Variants in ZC4H2 observed in about 807,000 individuals in gnomAD.
The protein encoded by ZC4H2 is zinc finger C4H2-type containing.
For missense variants in ZC4H2, 137 were observed against 173.9 expected (o/e 0.79, Z 1.19); for synonymous variants, 84 against 66.3 (o/e 1.27, Z -1.30).
At chrX:65,001,472 C>T (rs922819094) in intron 1 of ZC4H2, among the ~76,000 whole-genome samples, 2 of 111,911 alleles carry the variant, frequency 1.8e-5, no homozygotes, top group African/African-American at 3.3e-5. Context: ...AAAAACTGTA[C>T]TAATCACTGC....
intron 1 of ZC4H2, among the ~76,000 whole-genome samples, chrX:64,975,591 G>A (rs1433757826): frequency 1.8e-5 from 2 of 111,183 alleles, no homozygotes; most frequent in Non-Finnish European, 3.8e-5. Context: ...TCTGAGCAAG[G>A]ACAATATCAT....
chrX:65,007,962 G>A (rs1269373460), intron 1 of ZC4H2, among the ~76,000 whole-genome samples: 1 of 111,183 alleles, frequency 9.0e-6, no homozygotes, highest in African/African-American at 3.3e-5. Context: ...TGGACAAACT[G>A]GATCACATCA....
intron 4 of ZC4H2, 139 bp downstream of exon 4, chrX:64,918,903 C>T (rs1003130252): frequency 1.3e-6 from 1 of 767,025 alleles, no homozygotes; most frequent in Non-Finnish European, 1.8e-6. Context: ...CCCATGTCAC[C>T]CCTTCCACTG....
intron 1 of ZC4H2, among the ~76,000 whole-genome samples, chrX:65,015,454 C>A (rs7877430): frequency 1.8e-5 from 2 of 111,802 alleles, no homozygotes; most frequent in African/African-American, 6.5e-5. Flanking sequence ...GGTATGATGG[C>A]ACCTCACTCC....
chrX:64,956,426 C>A (rs912963666), intron 1 of ZC4H2, among the ~76,000 whole-genome samples: 1 of 111,214 alleles, frequency 9.0e-6, no homozygotes. Context: ...TGTTTGCATG[C>A]AGCCATCTAT....
chrX:64,998,073 C>T (rs1932453972), intron 1 of ZC4H2, among the ~76,000 whole-genome samples: 2 of 110,872 alleles, frequency 1.8e-5, no homozygotes. Context: ...ACTGTGCATG[C>T]AAAAAAGTCA....
rs58094683 is a variant in ZC4H2 at position 64,999,039 on chromosome X, G to GTTTTTT, written c.-272+35584_-272+35589dup. Among the ~76,000 whole-genome samples, 50 of 11,849 alleles carry GTTTTTT rather than the reference G, an allele frequency of 4.2e-3. 4 individuals are homozygous for GTTTTTT. The highest frequency in any genetic ancestry group is 0.012 in the East Asian group (3 of 258). 10.3% of individuals were successfully genotyped at this position (11,849 alleles called of 115,157 possible). Reference sequence around the variant, plus strand: ...TAGACAGCATACAGTTGGATTATGTGTTTTTTTTTTTTTTTTTTTTTTTTT... The same window carrying GTTTTTT: ...TAGACAGCATACAGTTGGATTATGTGTTTTTTTTTTTTTTTTTTTTTTTTTTTTTTT... On this transcript the variant is annotated intron_variant, in intron 1 of 4. Transcript: ENST00000337990.
At chrX:64,976,768 C>T (rs1306490063), upstream of ZC4H2, among the ~76,000 whole-genome samples, 1 of 111,528 alleles carries the variant, frequency 9.0e-6, no homozygotes, top group African/African-American at 3.3e-5. Context: ...CATTCGCTCC[C>T]TTCGGGGGCC....
chrX:64,926,615 G>A (rs780115593), intron 1 of ZC4H2, among the ~76,000 whole-genome samples: 2 of 111,720 alleles, frequency 1.8e-5, no homozygotes, highest in African/African-American at 6.5e-5. Context: ...TTTCCCTAAT[G>A]CCCATTGATG....
chrX:65,019,041 G>T (rs970913981), intron 1 of ZC4H2, among the ~76,000 whole-genome samples: 2 of 111,961 alleles, frequency 1.8e-5, no homozygotes, highest in Non-Finnish European at 3.8e-5. Context: ...CCAGTCAGGG[G>T]CTTATAGATA....
chrX:64,994,664 C>CT (rs1223813445), intron 1 of ZC4H2, among the ~76,000 whole-genome samples: 1 of 111,162 alleles, frequency 9.0e-6, no homozygotes, highest in African/African-American at 3.3e-5. Context: ...CTCTGCTTGG[C>CT]TTTTTTATTT....
intron 1 of ZC4H2, among the ~76,000 whole-genome samples, chrX:65,027,889 C>T (rs982266996): frequency 7.2e-5 from 8 of 111,734 alleles, no homozygotes; most frequent in Non-Finnish European, 1.1e-4. Context: ...AGATGACATT[C>T]GTCATGCGGG....
At chrX:65,005,773 A>C (rs1932643201) in intron 1 of ZC4H2, among the ~76,000 whole-genome samples, 1 of 111,286 alleles carries the variant, frequency 9.0e-6, no homozygotes, top group Non-Finnish European at 1.9e-5. Context: ...TGAACAGGCA[A>C]CCTACAGAAT....
intron 1 of ZC4H2, among the ~76,000 whole-genome samples, chrX:64,963,013 C>A (rs1444414380): frequency 9.1e-6 from 1 of 110,466 alleles, no homozygotes; most frequent in Admixed American, 9.7e-5. Context: ...CCAGAACAAT[C>A]TTATCCCCTG....
In ZC4H2 at chrX:64,932,948, A is replaced by G. The variant is rs772806441; in HGVS notation, c.54-10960T>C. Among the ~76,000 whole-genome samples, 17 of 111,534 alleles carry G rather than the reference A, an allele frequency of 1.5e-4. No homozygotes were observed. The East Asian group carries it at 4.5e-3, about 30-fold the overall frequency. The stretch of plus-strand genomic sequence containing the variant: ...GTTTTCCTCAATTATTCCCTCAAAT[A>G]AGTTTTCCAAACTTTTAGATTTCTG... On this transcript the variant is annotated intron_variant, in intron 1 of 4. Coordinates refer to ENST00000374839, the MANE Select transcript of ZC4H2 (RefSeq NM_018684.4).
intron 1 of ZC4H2, among the ~76,000 whole-genome samples, chrX:64,998,868 CTT>C (rs1932468672): frequency 9.2e-6 from 1 of 109,031 alleles, no homozygotes; most frequent in Non-Finnish European, 1.9e-5. Flanking sequence ...TTCTTTGTCT[CTT>C]ATAATCATTT....
chrX:65,032,350 C>G (rs760600931), intron 1 of ZC4H2, among the ~76,000 whole-genome samples: 1 of 111,763 alleles, frequency 8.9e-6, no homozygotes, highest in Non-Finnish European at 1.9e-5. Flanking sequence ...AAGATATAAG[C>G]AAATTTTGTA....
At chrX:65,018,891 C>G (rs1932815162) in intron 1 of ZC4H2, among the ~76,000 whole-genome samples, 1 of 111,522 alleles carries the variant, frequency 9.0e-6, no homozygotes, top group Non-Finnish European at 1.9e-5. Context: ...AGGCAGTTTT[C>G]CCCTCAGAGT....
At chrX:64,923,332 A>G (rs1306522255) in intron 1 of ZC4H2, among the ~76,000 whole-genome samples, 1 of 111,418 alleles carries the variant, frequency 9.0e-6, no homozygotes, top group Non-Finnish European at 1.9e-5. Context: ...TGAAAGGGGT[A>G]CCCTCTAAGG....
Sources: gnomAD v4.1 joint callset for allele counts (sites outside exome capture counted in the v4.1 genomes callset) on GRCh38, gnomAD v4.1.1 for gene constraint, MANE v1.5 for transcripts, NCBI Gene and HGNC (gene_info 2026-07-23, HGNC 2026-07-21) for gene names.